The following INPP4B variants were observed in gnomAD, a reference collection of about 807,000 sequenced individuals.
INPP4B encodes the protein inositol polyphosphate 4-phosphatase type II.
Under a neutral mutation model 122.5 loss-of-function variants are expected in INPP4B, and 55 were observed. The ratio of observed to expected loss-of-function variants is 0.45; its 90% CI spans 0.36 to 0.56. The LOEUF (loss-of-function observed/expected upper bound fraction) is 0.56, where lower values mean the gene tolerates loss of function less well. INPP4B is among the 20% of genes least tolerant of loss of function. The pLI is 0.00. For synonymous variants in INPP4B, 403 were observed against 388.7 expected, an observed-to-expected ratio of 1.04 and a Z score of -0.43; for missense variants, 1,000 against 1,097.7, an observed-to-expected ratio of 0.91 and a Z score of 1.26.
intron 2 of INPP4B, among the ~76,000 whole-genome samples, chr4:142,526,798 CAA>C (rs983485844): frequency 5.3e-5 from 8 of 151,914 alleles, no homozygotes; most frequent in African/African-American, 1.9e-4. Flanking sequence ...ACATGTGAAA[CAA>C]AATCTATAAA....
chr4:142,822,212 G>A (rs1002339239), intron 1 of INPP4B, among the ~76,000 whole-genome samples: 19 of 152,102 alleles, frequency 1.2e-4, no homozygotes, highest in African/African-American at 3.1e-4. Flanking sequence ...TAAAGCTCAC[G>A]GTATGTTTAC....
chr4:142,386,182 T>A (rs2148922608), intron 7 of INPP4B, among the ~76,000 whole-genome samples: 1 of 152,242 alleles, frequency 6.6e-6, no homozygotes, highest in East Asian at 1.9e-4. Flanking sequence ...TCCAGGTTCA[T>A]CCTTGTTGTC....
intron 3 of INPP4B, among the ~76,000 whole-genome samples, chr4:142,448,444 T>C (rs1205846905): frequency 1.3e-5 from 2 of 152,088 alleles, no homozygotes; most frequent in Non-Finnish European, 2.9e-5. Flanking sequence ...ACAACATTTC[T>C]GAAGCCAGGA....
At chr4:142,143,235 A>G (rs1218134896) in intron 18 of INPP4B, among the ~76,000 whole-genome samples, 1 of 152,066 alleles carries the variant, frequency 6.6e-6, no homozygotes, top group Non-Finnish European at 1.5e-5. Context: ...AACAGGCCCA[A>G]CAGACAACTG....
At chr4:142,047,498 T>C (rs1361584648) in intron 25 of INPP4B, among the ~76,000 whole-genome samples, 1 of 152,024 alleles carries the variant, frequency 6.6e-6, no homozygotes, top group African/African-American at 2.4e-5. Flanking sequence ...GATCACCTGG[T>C]CCAACCCCTT....
intron 5 of INPP4B, among the ~76,000 whole-genome samples, chr4:142,425,783 AT>A (rs1807914755): frequency 6.6e-6 from 1 of 151,972 alleles, no homozygotes; most frequent in Admixed American, 6.6e-5. Flanking sequence ...ATCTGAAATG[AT>A]TTTATATACA....
rs1349185331 is a variant in INPP4B at position 142,112,622 on chromosome 4, C to G, written c.2196G>C (p.Gln732His). ...CATGAAGCAACTGTCCTTCTTTAATCTGTAGAGGTAGTGACTCAAACATTC... is the reference window on the plus strand; with the variant it reads ...CATGAAGCAACTGTCCTTCTTTAATGTGTAGAGGTAGTGACTCAAACATTC... ...PARMFESLPL[Q>H]IKEGQLLHVY... The change falls in exon 22 of 26, where the codon CAG becomes CAC. Residue 732 changes from glutamine (Q) to histidine (H), a missense_variant. Coordinates refer to ENST00000262992, the MANE Select transcript of INPP4B (RefSeq NM_001101669.3). 6.2e-7 allele frequency: 1 copy of G among 1,613,254 alleles called. No homozygotes were observed. Among genetic ancestry groups the G allele is most frequent in the African/African-American group, 1.3e-5 (1 of 74,976 alleles).
intron 3 of INPP4B, among the ~76,000 whole-genome samples, chr4:142,437,150 G>T (rs1024675334): frequency 2.0e-5 from 3 of 151,848 alleles, no homozygotes. Context: ...TCAAGCAGAA[G>T]AAATAATTTC....
intron 1 of INPP4B, among the ~76,000 whole-genome samples, chr4:142,798,239 T>C (rs1024867471): frequency 1.3e-5 from 2 of 151,738 alleles, no homozygotes; most frequent in African/African-American, 4.8e-5. Context: ...CAACCCAAAA[T>C]GTGGCATGAT....
At chr4:142,620,995 A>G (rs1162997707) in intron 2 of INPP4B, among the ~76,000 whole-genome samples, 1 of 151,958 alleles carries the variant, frequency 6.6e-6, no homozygotes, top group Non-Finnish European at 1.5e-5. Context: ...AAATATCAAA[A>G]AAACCTTAAA....
At chr4:142,810,884 A>G (rs150634416) in intron 1 of INPP4B, among the ~76,000 whole-genome samples, 1 of 152,368 alleles carries the variant, frequency 6.6e-6, no homozygotes, top group Non-Finnish European at 1.5e-5. Context: ...TGTCTTGCAT[A>G]CAAATTGTCA....
chr4:142,304,428 C>A (rs1371503901), intron 9 of INPP4B, among the ~76,000 whole-genome samples: 1 of 151,876 alleles, frequency 6.6e-6, no homozygotes, highest in Non-Finnish European at 1.5e-5. Flanking sequence ...TCATTAGAAT[C>A]CACAACTTAT....
At chr4:142,294,383 T>C (rs1275062796) in intron 9 of INPP4B, among the ~76,000 whole-genome samples, 3 of 151,928 alleles carry the variant, frequency 2.0e-5, no homozygotes, top group African/African-American at 7.3e-5. Flanking sequence ...GAGAGGCCAA[T>C]GGTAAGCTGT....
chr4:142,623,223 A>G (rs568221959), intron 2 of INPP4B, among the ~76,000 whole-genome samples: 3 of 152,004 alleles, frequency 2.0e-5, no homozygotes, highest in African/African-American at 7.2e-5. Context: ...ACCTGCTTCA[A>G]TTCAGTCTGA....
At chr4:142,077,445 T>A (rs893715953) in intron 25 of INPP4B, among the ~76,000 whole-genome samples, 1 of 152,028 alleles carries the variant, frequency 6.6e-6, no homozygotes, top group Admixed American at 6.6e-5. Flanking sequence ...TATAGAGGCA[T>A]TAAATTTCCC....
intron 25 of INPP4B, among the ~76,000 whole-genome samples, chr4:142,059,908 T>G (rs928966095): frequency 3.9e-5 from 6 of 152,154 alleles, no homozygotes; most frequent in African/African-American, 1.2e-4. Flanking sequence ...GGTATTCTGT[T>G]CCCTTTGACA....
chr4:142,496,293 T>C (rs1335793289), intron 2 of INPP4B, among the ~76,000 whole-genome samples: 3 of 152,162 alleles, frequency 2.0e-5, no homozygotes, highest in African/African-American at 4.8e-5. Flanking sequence ...ATTGTATGAT[T>C]ACACCAAAAT....
At chr4:142,800,238 T>G (rs1468936229) in intron 1 of INPP4B, among the ~76,000 whole-genome samples, 1 of 152,066 alleles carries the variant, frequency 6.6e-6, no homozygotes, top group East Asian at 1.9e-4. Context: ...ATAACAGAAA[T>G]AGCAATCTCC....
At chr4:142,141,798 A>T (rs942042776) in intron 18 of INPP4B, among the ~76,000 whole-genome samples, 1 of 152,256 alleles carries the variant, frequency 6.6e-6, no homozygotes. Flanking sequence ...CCAGATGACC[A>T]TCTGTTTAGC....
Sources: gnomAD v4.1 joint callset for allele counts (sites outside exome capture counted in the v4.1 genomes callset) on GRCh38, gnomAD v4.1.1 for gene constraint, MANE v1.5 for transcripts, NCBI Gene and HGNC (gene_info 2026-07-23, HGNC 2026-07-21) for gene names.